BAZ2A: variants seen among roughly 807,000 people sequenced by gnomAD.
BAZ2A encodes the protein bromodomain adjacent to zinc finger domain 2A, also known as bromodomain adjacent to zinc finger domain protein 2A.
Under a neutral mutation model 199.9 loss-of-function variants are expected in BAZ2A, and 34 were observed. That is an observed-to-expected ratio of 0.17 (90% CI 0.13 to 0.23). The LOEUF (loss-of-function observed/expected upper bound fraction) is 0.23. BAZ2A is among the 10% of genes least tolerant of loss of function. BAZ2A has a pLI of 1.00. For missense variants in BAZ2A, 2,002 were observed against 2,391.1 expected (o/e 0.84, Z 3.39); for synonymous variants, 857 against 883.9 (o/e 0.97, Z 0.54).
Position 56,605,969 on chromosome 12 carries a change from T to A in BAZ2A, c.2354A>T (p.Glu785Val), listed in dbSNP as rs768785849. ...KEKVKMKEKE[E>V]VTKAKPACKA... is the part of the protein sequence containing the mutation. Reference sequence around the variant, plus strand: ...ACAGGCTGGCTTGGCTTTGGTCACCTCCTCCTTTTCCTTCATTTTTACCTT... The same window carrying A: ...ACAGGCTGGCTTGGCTTTGGTCACCACCTCCTTTTCCTTCATTTTTACCTT... Residue 785 changes from glutamate to valine, a missense_variant, in exon 13 of 29, where the codon GAG (glutamate) becomes GTG (valine). By Grantham distance (121) the Glu-to-Val change is moderately radical. This residue lies in a region of BAZ2A where 1,081 missense variants were observed against 1,274.7 expected (regional missense o/e 0.85). Transcript: ENST00000549884. The A allele has an allele frequency of 1.9e-6, 3 of 1,553,158 alleles. No individual in the cohort carries two copies. The highest frequency in any genetic ancestry group is 2.7e-5 in the African/African-American group (2 of 73,008).
At chr12:56,636,160 CG>C in intron 1 of BAZ2A, 1 of 1,587,282 alleles carries the variant, frequency 6.3e-7, no homozygotes, top group Non-Finnish European at 8.6e-7. Flanking sequence ...AGGCCTTCCC[CG>C]GGGCTGGTCC....
intron 1 of BAZ2A, among the ~76,000 whole-genome samples, chr12:56,624,100 AT>A (rs1951008817): frequency 6.6e-6 from 1 of 151,704 alleles, no homozygotes; most frequent in Non-Finnish European, 1.5e-5. Flanking sequence ...AAAAAAAAAA[AT>A]TCCAAGTACC....
rs377160254 is a variant in BAZ2A, at chr12:56,602,782, A to T, written c.3355T>A (p.Tyr1119Asn). ...LRAVSLGQDR[Y>N]RRRYWVLPYL... ...GGCAATACCCAGTAGCGACGTCTGT[A>T]GCGGTCCTGACCCAGGGAGACCGCC... The change falls in exon 19 of 29, where the codon TAC (tyrosine) becomes AAC (asparagine). Residue 1119 changes from tyrosine to asparagine, a missense_variant. Around this residue, in one of 6 missense-constraint regions of BAZ2A, gnomAD observed 1,081 missense variants for 1,274.7 expected, o/e 0.85. Transcript: ENST00000549884. The T allele has an allele frequency of 6.2e-6, 10 of 1,613,976 alleles. No individual in the cohort carries two copies. The highest frequency in any genetic ancestry group is 8.5e-6 in the Non-Finnish European group (10 of 1,179,848).
Position 56,630,180 on chromosome 12 carries a change from G to T in BAZ2A, c.-58C>A, listed in dbSNP as rs891683956. On this transcript the variant is annotated 5_prime_UTR_variant, in exon 1 of 29. Transcript: ENST00000549884. ...GCTCGTCTCTCCCCGGGGTACAAGC[G>T]GTTCACATGGCCGCGCTCCGGGCGC... 1.0e-6 allele frequency: 1 copy of T among 985,600 alleles called. No homozygotes were observed. Among genetic ancestry groups the T allele is most frequent in the African/African-American group, 1.7e-5 (1 of 57,374 alleles). The allele number at this position is 985,600 out of a possible 1,614,324, so 61.1% of individuals were successfully genotyped here.
upstream of BAZ2A, among the ~76,000 whole-genome samples, chr12:56,632,497 A>C (rs1293233013): frequency 6.6e-6 from 1 of 151,946 alleles, no homozygotes; most frequent in Non-Finnish European, 1.5e-5. Flanking sequence ...CCACACCCAC[A>C]CACACCCACC....
Position 56,598,439 on chromosome 12 carries a change from G to T in BAZ2A, c.*179C>A. ...CTCTTACTTGAGGAGCAAGAGGAGGGAAGGGAGAAAGGGATGTAGGAATAA... is the reference window on the plus strand; with the variant it reads ...CTCTTACTTGAGGAGCAAGAGGAGGTAAGGGAGAAAGGGATGTAGGAATAA... On this transcript the variant is annotated 3_prime_UTR_variant, in exon 29 of 29. Coordinates refer to ENST00000549884, the MANE Select transcript of BAZ2A (RefSeq NM_001300905.2). 1 of 740,642 alleles carries T rather than the reference G, an allele frequency of 1.4e-6. No homozygotes were observed. Among genetic ancestry groups the T allele is most frequent in the Non-Finnish European group, 2.1e-6 (1 of 466,916 alleles). The allele number at this position is 740,642 out of a possible 1,614,324, so 45.9% of individuals were successfully genotyped here. A position where few individuals can be genotyped will look rare whatever the true frequency, so the allele number is the denominator to read the frequency against.
chr12:56,612,955 CTT>C, intron 5 of BAZ2A, 58 bp downstream of exon 5: 1 of 1,517,948 alleles, frequency 6.6e-7, no homozygotes, highest in South Asian at 1.2e-5. Flanking sequence ...AACTATGAAA[CTT>C]ATTCTCTCAT....
chr12:56,633,952 C>T (rs1387877255), upstream of BAZ2A, among the ~76,000 whole-genome samples: 5 of 152,220 alleles, frequency 3.3e-5, no homozygotes, highest in African/African-American at 1.2e-4. Context: ...AAGCTGGTTT[C>T]GAACTCCTGA....
upstream of BAZ2A, chr12:56,638,080 G>T: frequency 2.3e-6 from 1 of 431,742 alleles, no homozygotes. Context: ...GACCAGTCTT[G>T]GCAACACAGC....
In BAZ2A at chr12:56,596,532, G is replaced by GATTTCACTCCCCCATCCACCTCACA. The variant is rs537225626; in HGVS notation, c.*2061_*2085dup. 9.9e-5 allele frequency: 15 copies of GATTTCACTCCCCCATCCACCTCACA among 152,082 alleles called. No homozygotes were observed. The highest frequency in any genetic ancestry group is 1.9e-4 in the Non-Finnish European group (13 of 67,980). The allele number at this position is 152,082 out of a possible 1,614,324, so 9.4% of individuals were successfully genotyped here. ...AGGAACACAAAGCAGGAACCATGGA[G>GATTTCACTCCCCCATCCACCTCACA]ATTTCACTCCCCCATCCACCTCACA... On this transcript the variant is annotated 3_prime_UTR_variant, in exon 29 of 29. Transcript: ENST00000549884.
intron 1 of BAZ2A, among the ~76,000 whole-genome samples, chr12:56,626,334 A>T (rs909598377): frequency 3.9e-5 from 6 of 152,224 alleles, no homozygotes; most frequent in African/African-American, 1.4e-4. Flanking sequence ...GTCAAACATC[A>T]TTATCAATGA....
At chr12:56,635,088 C>A (rs947032235), upstream of BAZ2A, 6 of 967,424 alleles carry the variant, frequency 6.2e-6, no homozygotes, top group Non-Finnish European at 7.4e-6. The surrounding 1 kb of genome is among the most constrained non-coding windows in gnomAD (Gnocchi z 4.1). Flanking sequence ...CAGGAACTAC[C>A]GAGGTGAGGA....
chr12:56,603,813 G>C (rs912694023), intron 16 of BAZ2A, 113 bp from the exon 17 acceptor site: 3 of 1,195,294 alleles, frequency 2.5e-6, no homozygotes, highest in African/African-American at 3.1e-5. Context: ...AGGAGTTCGA[G>C]ACCAGCCTGG....
intron 5 of BAZ2A, among the ~76,000 whole-genome samples, 189 bp from the exon 6 acceptor site, chr12:56,612,435 T>C (rs1485313634): frequency 3.3e-5 from 5 of 152,312 alleles, no homozygotes; most frequent in African/African-American, 9.6e-5. Flanking sequence ...TTGCTACAGA[T>C]GTCATTGTGT....
upstream of BAZ2A, chr12:56,630,754 C>G (rs1427606353): frequency 3.1e-6 from 3 of 982,180 alleles, no homozygotes; most frequent in Admixed American, 1.8e-4. Context: ...TGGGGAGAGG[C>G]AAGAGTCAGC....
At position 56,596,119 on chromosome 12, in the gene BAZ2A, C is replaced by T. The variant is rs1352338248; in HGVS notation, c.*2499G>A. The T allele has an allele frequency of 6.6e-6, 1 of 152,638 alleles. No homozygotes were observed. The highest frequency in any genetic ancestry group is 2.4e-5 in the African/African-American group (1 of 41,460). The allele number at this position is 152,638 out of a possible 1,614,324, so 9.5% of individuals were successfully genotyped here. On this transcript the variant is annotated 3_prime_UTR_variant, in exon 29 of 29. Transcript: ENST00000549884. ...AAATTTAAATTCACAAAAAACTGTA[C>T]ATTATCAAAAAGTCACTAAAACACC...
chr12:56,606,084 C>A, intron 12 of BAZ2A, 21 bp from the exon 13 acceptor site: 1 of 1,550,986 alleles, frequency 6.4e-7, no homozygotes. Context: ...AAGAGAGGAA[C>A]CAAGACTGCC....
chr12:56,632,590 T>C (rs1029598841), upstream of BAZ2A, among the ~76,000 whole-genome samples: 3 of 151,938 alleles, frequency 2.0e-5, no homozygotes, highest in African/African-American at 7.3e-5. Flanking sequence ...CCAGGCCTAG[T>C]CTCCAGGGCA....
chr12:56,604,129 G>T, intron 16 of BAZ2A, 88 bp downstream of exon 16: 1 of 1,286,462 alleles, frequency 7.8e-7, no homozygotes, highest in South Asian at 1.3e-5. Flanking sequence ...AGGGGCTAAA[G>T]CATCACATTT....
Sources: gnomAD v4.1 joint callset for allele counts (sites outside exome capture counted in the v4.1 genomes callset) on GRCh38, gnomAD v4.1.1 for gene constraint, gnomAD v4.1.1 regional missense constraint, Gnocchi (gnomAD v3.1) non-coding constraint, MANE v1.5 for transcripts, NCBI Gene and HGNC (gene_info 2026-07-23, HGNC 2026-07-21) for gene names.